The following TMEM120B variants were observed in gnomAD, a reference collection of about 807,000 sequenced individuals.
TMEM120B encodes the protein transmembrane protein 120B.
A neutral mutation model predicts 55.5 loss-of-function variants in TMEM120B; 31 were observed. The observed-to-expected ratio is 0.56, with a 90% CI of 0.42 to 0.75. The LOEUF is 0.75. TMEM120B is among the 30% of genes least tolerant of loss of function. TMEM120B has a pLI of 0.00. For missense variants in TMEM120B, 399 were observed against 425.5 expected (o/e 0.94, Z 0.55); for synonymous variants, 203 against 176.3 (o/e 1.15, Z -1.20).
chr12:121,769,695 C>T (rs977622970), intron 6 of TMEM120B, among the ~76,000 whole-genome samples: 1 of 144,524 alleles, frequency 6.9e-6, no homozygotes, highest in South Asian at 2.3e-4. Context: ...AGAGTGAGAC[C>T]CTGCCTGGAA....
At position 121,774,812 on chromosome 12, in the gene TMEM120B, G is replaced by A. The variant is rs565527744; in HGVS notation, c.837+90G>A. 174 of 1,465,066 alleles carry A rather than the reference G, an allele frequency of 1.2e-4. No individual in the cohort carries two copies. In the African/African-American group the frequency reaches 1.7e-3, roughly 15 times the overall value. The allele number at this position is 1,465,066 out of a possible 1,614,324, so 90.8% of individuals were successfully genotyped here. A position where few individuals can be genotyped will look rare whatever the true frequency, so the allele number is the denominator to read the frequency against. ...CAGGCCTTGCCCTCCTTCTCCATCC[G>A]TCCCCATGCTGGGGCCCACAGCATC... On this transcript the variant is annotated intron_variant, in intron 10 of 11. Coordinates refer to ENST00000449592, the MANE Select transcript of TMEM120B (RefSeq NM_001080825.2).
At chr12:121,755,482 T>C (rs560243680) in intron 5 of TMEM120B, among the ~76,000 whole-genome samples, 1 of 152,338 alleles carries the variant, frequency 6.6e-6, no homozygotes, top group East Asian at 1.9e-4. Flanking sequence ...CTATCAGGTT[T>C]GAACCAGGCT....
chr12:121,761,600 G>C, intron 5 of TMEM120B, 49 bp from the exon 6 acceptor site: 1 of 1,443,152 alleles, frequency 6.9e-7, no homozygotes, highest in East Asian at 2.3e-5. Flanking sequence ...GGATGGCTGT[G>C]CCTGGTTCTC....
At chr12:121,746,190 C>CCCT (rs1873076800) in intron 2 of TMEM120B, among the ~76,000 whole-genome samples, 2 of 121,646 alleles carry the variant, frequency 1.6e-5, no homozygotes, top group African/African-American at 6.9e-5. Flanking sequence ...CGCCCCCCCA[C>CCCT]TTTTTTTTTT....
chr12:121,746,183 C>G (rs898655588), intron 2 of TMEM120B, among the ~76,000 whole-genome samples: 2 of 148,234 alleles, frequency 1.3e-5, no homozygotes, highest in Admixed American at 6.8e-5. Flanking sequence ...CTTAAACCGC[C>G]CCCCCACTTT....
chr12:121,752,323 GTGT>G, intron 5 of TMEM120B, 100 bp downstream of exon 5: 2 of 998,314 alleles, frequency 2.0e-6, no homozygotes, highest in Non-Finnish European at 1.6e-6. Flanking sequence ...TCCTGCTTCT[GTGT>G]TGTTTGGCAT....
At chr12:121,773,547 G>A in intron 9 of TMEM120B, 34 bp downstream of exon 9, 1 of 1,514,590 alleles carries the variant, frequency 6.6e-7, no homozygotes, top group East Asian at 2.5e-5. Flanking sequence ...AGCCGGGGCA[G>A]GTACTGGACC....
intron 4 of TMEM120B, 122 bp downstream of exon 4, chr12:121,750,561 AC>A (rs1566517019): frequency 7.6e-6 from 5 of 654,350 alleles, no homozygotes; most frequent in Non-Finnish European, 1.3e-5. Flanking sequence ...AACACCCCAC[AC>A]CTCAAACCCA....
intron 5 of TMEM120B, chr12:121,758,286 G>A: frequency 1.0e-6 from 1 of 985,504 alleles, no homozygotes; most frequent in Non-Finnish European, 1.2e-6. Context: ...GGCCAGTGGG[G>A]CTCTGATAAT....
At position 121,743,669 on chromosome 12, in the gene TMEM120B, C is replaced by A; in HGVS notation, c.110C>A (p.Ala37Asp). Residue 37 changes from alanine to aspartate, a missense_variant, in exon 2 of 12, where the codon GCT (alanine) becomes GAT (aspartate). Coordinates refer to ENST00000449592, the MANE Select transcript of TMEM120B (RefSeq NM_001080825.2). The stretch of plus-strand genomic sequence containing the variant: ...TACAAGCAGAAGCTGGAGGAGCTGG[C>A]TGCGCTGCAGACGCTGTGTAGCAGT... The part of the protein sequence containing the change: ...RIYKQKLEEL[A>D]ALQTLCSSSI... 1.2e-6 allele frequency: 2 copies of A among 1,613,654 alleles called. No individual in the cohort carries two copies. Among genetic ancestry groups the A allele is most frequent in the Non-Finnish European group, 1.7e-6 (2 of 1,179,972 alleles).
At position 121,779,537 on chromosome 12, in the gene TMEM120B, C is replaced by T. The variant is rs191815838; in HGVS notation, c.*3815C>T. ...AGAGCCGGCGCTTCTTCTGCCGTTG[C>T]GCCTTCTTCAGAGCGCTGAGAGCCA... is the stretch of plus-strand genomic sequence containing the variant. On this transcript the variant is annotated 3_prime_UTR_variant, in exon 12 of 12. Transcript: ENST00000449592. 5.0e-6 allele frequency: 8 copies of T among 1,612,904 alleles called. No homozygotes were observed. Among genetic ancestry groups the T allele is most frequent in the Non-Finnish European group, 6.8e-6 (8 of 1,179,412 alleles).
At chr12:121,759,915 G>A (rs1425664726) in intron 5 of TMEM120B, among the ~76,000 whole-genome samples, 1 of 151,888 alleles carries the variant, frequency 6.6e-6, no homozygotes, top group Non-Finnish European at 1.5e-5. Flanking sequence ...GGTGGATCAC[G>A]AGGTCAAGAG....
chr12:121,755,037 C>G (rs905466857), intron 5 of TMEM120B, among the ~76,000 whole-genome samples: 5 of 152,158 alleles, frequency 3.3e-5, no homozygotes, highest in Admixed American at 3.3e-4. Flanking sequence ...TAGACTGGTG[C>G]CTGTTTAAAT....
chr12:121,740,328 T>C (rs9668727), intron 1 of TMEM120B, among the ~76,000 whole-genome samples: 2 of 151,314 alleles, frequency 1.3e-5, no homozygotes, highest in Admixed American at 6.6e-5. Context: ...CTACTAAAAA[T>C]ACAAAATTAG....
intron 5 of TMEM120B, among the ~76,000 whole-genome samples, chr12:121,756,567 G>A (rs562100059): frequency 6.6e-6 from 1 of 152,312 alleles, no homozygotes; most frequent in Non-Finnish European, 1.5e-5. Flanking sequence ...TATGGGAACA[G>A]AAATGGCCGC....
chr12:121,781,019 G>T lies in TMEM120B; in HGVS notation c.*5297G>T. On this transcript the variant is annotated 3_prime_UTR_variant, in exon 12 of 12. Coordinates refer to ENST00000449592, the MANE Select transcript of TMEM120B (RefSeq NM_001080825.2). ...CCTCAGGGAACCACTGTGGAGGGAG[G>T]AGGCGGGATCAGGGGTGCGGCCGGG... 6.2e-7 allele frequency: 1 copy of T among 1,613,522 alleles called. No individual in the cohort carries two copies.
In TMEM120B at chr12:121,712,774, G is replaced by A. The variant is rs1894622671; in HGVS notation, c.-122G>A. The A allele has an allele frequency of 1.7e-6, 1 of 597,432 alleles. No homozygotes were observed. The highest frequency in any genetic ancestry group is 2.4e-6 in the Non-Finnish European group (1 of 415,610). The allele number at this position is 597,432 out of a possible 1,614,324, so 37.0% of individuals were successfully genotyped here. A position where few individuals can be genotyped will look rare whatever the true frequency, so the allele number is the denominator to read the frequency against. On this transcript the variant is annotated 5_prime_UTR_variant, in exon 1 of 12. Transcript: ENST00000449592. The stretch of plus-strand genomic sequence containing the variant: ...GTCAGTTGCGCGCGTGGCTCTGGCT[G>A]CGCAGGAACAGCTGGTGCCTCCGAG...
At chr12:121,740,445 A>T (rs1318386967) in intron 1 of TMEM120B, among the ~76,000 whole-genome samples, 2 of 152,064 alleles carry the variant, frequency 1.3e-5, no homozygotes, top group African/African-American at 2.4e-5. Flanking sequence ...AGATCATGCC[A>T]CTGCACTCCA....
chr12:121,736,185 A>G (rs534180615), intron 1 of TMEM120B, among the ~76,000 whole-genome samples: 1 of 150,648 alleles, frequency 6.6e-6, no homozygotes, highest in African/African-American at 2.4e-5. Context: ...TTATTTATTT[A>G]TTTTTAAGAC....
Sources: gnomAD v4.1 joint callset for allele counts (sites outside exome capture counted in the v4.1 genomes callset) on GRCh38, gnomAD v4.1.1 for gene constraint, MANE v1.5 for transcripts, NCBI Gene and HGNC (gene_info 2026-07-23, HGNC 2026-07-21) for gene names.